P2RY8: variants seen among roughly 807,000 people sequenced by gnomAD.
The protein encoded by P2RY8 is P2Y receptor family member 8, also known as S-geranylgeranyl-glutathione receptor P2RY8.
A neutral mutation model predicts 10.0 loss-of-function variants in P2RY8; 6 were observed. The observed-to-expected ratio is 0.60, with a 90% CI of 0.33 to 1.19. The LOEUF (loss-of-function observed/expected upper bound fraction) is 1.19. P2RY8 is among the 50% of genes most tolerant of loss of function. P2RY8 has a pLI of 0.04. For missense variants in P2RY8, 456 were observed against 542.0 expected, an observed-to-expected ratio of 0.84 and a Z score of 1.58; for synonymous variants, 276 against 252.5, an observed-to-expected ratio of 1.09 and a Z score of -0.88.
intron 1 of P2RY8, among the ~76,000 whole-genome samples, chrX:1,513,976 C>G (rs1316543505): frequency 2.0e-5 from 3 of 152,190 alleles, no homozygotes; most frequent in Non-Finnish European, 4.4e-5. Context: ...TCTTCAAAGA[C>G]TTTTTCAGCA....
intron 1 of P2RY8, among the ~76,000 whole-genome samples, chrX:1,514,059 C>A (rs1410592201): frequency 6.6e-6 from 1 of 152,194 alleles, no homozygotes; most frequent in African/African-American, 2.4e-5. Flanking sequence ...ACCATTGAAC[C>A]CACTACACAT....
intron 1 of P2RY8, 117 bp from the exon 2 acceptor site, chrX:1,466,699 G>A (rs2091683938): frequency 1.0e-6 from 1 of 993,242 alleles, no homozygotes; most frequent in Non-Finnish European, 1.4e-6. Flanking sequence ...GCTTTAGCAG[G>A]GCCTGCTGTC....
At chrX:1,467,558 G>C (rs1458262339) in intron 1 of P2RY8, among the ~76,000 whole-genome samples, 2 of 152,222 alleles carry the variant, frequency 1.3e-5, no homozygotes, top group East Asian at 1.9e-4. Context: ...ACGTCTGGAA[G>C]GAGAGACGCT....
chrX:1,511,387 T>G (rs1673344243), intron 1 of P2RY8, among the ~76,000 whole-genome samples: 1 of 152,196 alleles, frequency 6.6e-6, no homozygotes, highest in South Asian at 2.1e-4. Context: ...CTTGGTCATC[T>G]CATTCAACAT....
intron 1 of P2RY8, among the ~76,000 whole-genome samples, chrX:1,530,761 A>G (rs5989790): frequency 0.85 from 128,033 of 150,100 alleles, 54,868 homozygotes; most frequent in East Asian, 0.98. Context: ...ATGTATGTAT[A>G]TATCTATCTA....
intron 1 of P2RY8, among the ~76,000 whole-genome samples, chrX:1,486,872 G>A (rs1175231414): frequency 6.6e-6 from 1 of 152,196 alleles, no homozygotes; most frequent in Admixed American, 6.5e-5. Flanking sequence ...CAGTCTCAGT[G>A]CTCCCCCGCT....
chrX:1,518,448 T>C (rs2092367676), intron 1 of P2RY8, among the ~76,000 whole-genome samples: 1 of 147,488 alleles, frequency 6.8e-6, no homozygotes, highest in Admixed American at 6.8e-5. Flanking sequence ...ATAATAATAA[T>C]ATAATAAAAT....
chrX:1,508,853 T>C (rs867435945), intron 1 of P2RY8, among the ~76,000 whole-genome samples: 1 of 143,138 alleles, frequency 7.0e-6, no homozygotes, highest in South Asian at 2.2e-4. Flanking sequence ...ATCCATCCAT[T>C]CATCCATCCA....
chrX:1,481,580 A>C (rs868799227), intron 1 of P2RY8, among the ~76,000 whole-genome samples: 1 of 88,664 alleles, frequency 1.1e-5, no homozygotes, highest in Non-Finnish European at 2.2e-5. Context: ...CAGCTTTGGG[A>C]TTAGGAGAGT....
chrX:1,496,719 A>G (rs1193724779), intron 1 of P2RY8, among the ~76,000 whole-genome samples: 3 of 149,818 alleles, frequency 2.0e-5, no homozygotes, highest in Non-Finnish European at 3.0e-5. Context: ...TTTTTGTGAG[A>G]TGGAGTCTCA....
chrX:1,495,407 C>T (rs781635370), intron 1 of P2RY8, among the ~76,000 whole-genome samples: 15 of 152,164 alleles, frequency 9.9e-5, no homozygotes, highest in East Asian at 9.7e-4. Flanking sequence ...CCAATAGGAC[C>T]GGTGTCCTCA....
chrX:1,478,879 C>G (rs2091905813), intron 1 of P2RY8, among the ~76,000 whole-genome samples: 1 of 152,000 alleles, frequency 6.6e-6, no homozygotes, highest in Admixed American at 6.6e-5. Context: ...ATACCAGAAG[C>G]CTCCTGCCCC....
chrX:1,478,735 C>T (rs1452823985), intron 1 of P2RY8, among the ~76,000 whole-genome samples: 30 of 152,092 alleles, frequency 2.0e-4, no homozygotes, highest in African/African-American at 6.5e-4. Flanking sequence ...ACCTCGGCCT[C>T]CCAAAGTGCT....
chrX:1,469,092 CCTTCCCTCTCTCCTCT>C (rs1432824606), intron 1 of P2RY8, among the ~76,000 whole-genome samples: 1 of 32,534 alleles, frequency 3.1e-5, no homozygotes, highest in Admixed American at 3.1e-4. Context: ...TCTCTCCTCT[CCTTCCCTCTCTCCTCT>C]CCTTCCCTCT....
At chrX:1,536,200 C>T (rs1216299274) in intron 1 of P2RY8, among the ~76,000 whole-genome samples, 24 of 152,128 alleles carry the variant, frequency 1.6e-4, no homozygotes, top group African/African-American at 4.3e-4. Flanking sequence ...GTGCAGCAGC[C>T]GCAGCTGCTT....
intron 1 of P2RY8, among the ~76,000 whole-genome samples, chrX:1,468,547 G>A (rs1196150066): frequency 9.9e-5 from 15 of 152,272 alleles, no homozygotes; most frequent in African/African-American, 1.7e-4. Context: ...ACAGGCTTGC[G>A]GTTTGGGCCC....
Position 1,465,796 on chromosome X carries a change from A to G in P2RY8, c.763T>C (p.Phe255Leu). 1 of 1,613,414 alleles carries G rather than the reference A, an allele frequency of 6.2e-7. No individual in the cohort carries two copies. The highest frequency in any genetic ancestry group is 8.5e-7 in the Non-Finnish European group (1 of 1,179,830). Residue 255 changes from phenylalanine to leucine, a missense_variant, in exon 2 of 2, where the codon TTC becomes CTC. Coordinates refer to ENST00000381297, the MANE Select transcript of P2RY8 (RefSeq NM_178129.5). Reference sequence around the variant, plus strand: ...CTCACGATGTGCGCCAGGAGCACGAAGTTGTTGGGGGCGAAGCAGGTGACA... The same window carrying G: ...CTCACGATGTGCGCCAGGAGCACGAGGTTGTTGGGGGCGAAGCAGGTGACA... ...AFVTCFAPNN[F>L]VLLAHIVSRL...
intron 1 of P2RY8, among the ~76,000 whole-genome samples, chrX:1,497,315 A>C (rs2092127038): frequency 6.7e-6 from 1 of 150,316 alleles, no homozygotes; most frequent in African/African-American, 2.4e-5. Context: ...CATGTTAATT[A>C]GGGTTTTCTC....
intron 1 of P2RY8, among the ~76,000 whole-genome samples, chrX:1,496,061 T>C (rs5989760): frequency 0.62 from 93,548 of 151,998 alleles, 30,092 homozygotes; most frequent in Admixed American, 0.74. Flanking sequence ...TGTCTGTTGT[T>C]TACAGTCCAC....
Sources: gnomAD v4.1 joint callset for allele counts (sites outside exome capture counted in the v4.1 genomes callset) on GRCh38, gnomAD v4.1.1 for gene constraint, MANE v1.5 for transcripts, NCBI Gene and HGNC (gene_info 2026-07-23, HGNC 2026-07-21) for gene names.